The following ERICH6B variants were observed in gnomAD, a reference collection of about 807,000 sequenced individuals.
The protein encoded by ERICH6B is glutamate-rich protein 6B.
ERICH6B carries 69 observed loss-of-function variants against 80.0 expected under a neutral mutation model. The ratio of observed to expected loss-of-function variants is 0.86; its 90% CI spans 0.71 to 1.05. The LOEUF (loss-of-function observed/expected upper bound fraction) is 1.05, where lower values mean the gene tolerates loss of function less well. Among genes scored for constraint, ERICH6B ranks in the 50% least tolerant of loss-of-function variants. ERICH6B has a pLI of 0.00. For synonymous variants in ERICH6B, 283 were observed against 291.9 expected (o/e 0.97, Z 0.31); for missense variants, 754 against 796.1 (o/e 0.95, Z 0.64).
intron 2 of ERICH6B, among the ~76,000 whole-genome samples, chr13:45,602,595 C>A (rs1442124086): frequency 6.6e-6 from 1 of 152,144 alleles, no homozygotes; most frequent in Non-Finnish European, 1.5e-5. Flanking sequence ...AGGCTCAACT[C>A]CAACAGCCTT....
At chr13:45,574,773 G>A (rs2137993321) in intron 8 of ERICH6B, 69 bp downstream of exon 8, 7 of 1,241,176 alleles carry the variant, frequency 5.6e-6, no homozygotes, top group South Asian at 5.2e-5. Context: ...AGCTTGCCTG[G>A]GCTAGGCTTG....
At chr13:45,590,546 C>T (rs1876114978) in intron 4 of ERICH6B, 103 bp downstream of exon 4, 3 of 1,128,578 alleles carry the variant, frequency 2.7e-6, no homozygotes, top group African/African-American at 3.2e-5. Context: ...CTTCTTCCTC[C>T]CCTACTCCAT....
chr13:45,576,468 A>G (rs1875409086), intron 7 of ERICH6B, among the ~76,000 whole-genome samples: 1 of 152,244 alleles, frequency 6.6e-6, no homozygotes, highest in South Asian at 2.1e-4. Context: ...TAAAAAAAAC[A>G]TTGAAGAAAA....
chr13:45,580,386 T>C (rs1475840890), intron 6 of ERICH6B, among the ~76,000 whole-genome samples: 3 of 152,236 alleles, frequency 2.0e-5, no homozygotes. Context: ...GCCAGCGCAC[T>C]TAACTTTCTG....
intron 4 of ERICH6B, 126 bp downstream of exon 4, chr13:45,590,523 C>T (rs1245881577): frequency 2.4e-6 from 2 of 826,304 alleles, no homozygotes; most frequent in Non-Finnish European, 3.7e-6. Context: ...TTCCAGGAAC[C>T]CCCACTAAAC....
rs147150975 is a variant in ERICH6B, at chr13:45,567,405, C to T, written c.1187+910G>A. Among the ~76,000 whole-genome samples, 378 of 152,298 alleles carry T rather than the reference C, an allele frequency of 2.5e-3. 3 individuals are homozygous for T. Among genetic ancestry groups the T allele is most frequent in the African/African-American group, 8.4e-3 (350 of 41,558 alleles). On this transcript the variant is annotated intron_variant, in intron 9 of 14. Coordinates refer to ENST00000298738, the MANE Select transcript of ERICH6B (RefSeq NM_182542.3). Reference sequence around the variant, plus strand: ...TTTGGCTGTGTTCCCACCCAAATCTCATCTTGAATTCCCACGTGTTGTGAG... The same window carrying T: ...TTTGGCTGTGTTCCCACCCAAATCTTATCTTGAATTCCCACGTGTTGTGAG...
intron 7 of ERICH6B, among the ~76,000 whole-genome samples, chr13:45,576,213 G>C (rs904043716): frequency 1.3e-5 from 2 of 152,158 alleles, no homozygotes; most frequent in African/African-American, 4.8e-5. Context: ...CACTGTCCTG[G>C]GGCCTCTCTA....
At chr13:45,581,565 C>T (rs1473230613) in intron 5 of ERICH6B, among the ~76,000 whole-genome samples, 1 of 152,156 alleles carries the variant, frequency 6.6e-6, no homozygotes, top group African/African-American at 2.4e-5. Flanking sequence ...TTAGTAGAGG[C>T]AGAGTTTTGC....
chr13:45,556,760 A>C (rs1210889261), intron 11 of ERICH6B, among the ~76,000 whole-genome samples: 1 of 152,116 alleles, frequency 6.6e-6, no homozygotes, highest in Non-Finnish European at 1.5e-5. Flanking sequence ...GTAGTATTCC[A>C]TCATATATAT....
In ERICH6B at chr13:45,549,676, G is replaced by A. The variant is rs529704058; in HGVS notation, c.1646+217C>T. Among the ~76,000 whole-genome samples the A allele has an allele frequency of 2.4e-4, 36 of 152,304 alleles. 1 individual carries two copies. The highest frequency in any genetic ancestry group is 1.7e-3 in the Admixed American group (26 of 15,308). ...AATGTGGTGGTTGTGGAGCCTTGACGGCTATTTCACACATGGAGGAGCAAC... is the reference window on the plus strand; with the variant it reads ...AATGTGGTGGTTGTGGAGCCTTGACAGCTATTTCACACATGGAGGAGCAAC... On this transcript the variant is annotated intron_variant, in intron 13 of 14. Transcript: ENST00000298738.
At chr13:45,568,275 A>G (rs1307239867) in intron 9 of ERICH6B, 40 bp downstream of exon 9, 6 of 1,497,850 alleles carry the variant, frequency 4.0e-6, no homozygotes, top group Non-Finnish European at 5.3e-6. Flanking sequence ...TGGCATACCC[A>G]AATCCACTGA....
chr13:45,605,135 T>G (rs1949850330), intron 2 of ERICH6B, among the ~76,000 whole-genome samples: 1 of 152,036 alleles, frequency 6.6e-6, no homozygotes, highest in African/African-American at 2.4e-5. Flanking sequence ...CCTCTTTGGT[T>G]CCCTGACTCC....
chr13:45,556,920 G>A (rs1027363280), intron 11 of ERICH6B, among the ~76,000 whole-genome samples: 1 of 152,116 alleles, frequency 6.6e-6, no homozygotes, highest in Non-Finnish European at 1.5e-5. Context: ...TATCCATTTT[G>A]TATAATGACT....
At chr13:45,594,193 G>A (rs1876269279) in intron 3 of ERICH6B, among the ~76,000 whole-genome samples, 2 of 152,134 alleles carry the variant, frequency 1.3e-5, no homozygotes, top group Non-Finnish European at 1.5e-5. Flanking sequence ...AACCTGTTTT[G>A]TACAATCTAT....
intron 4 of ERICH6B, among the ~76,000 whole-genome samples, chr13:45,587,915 T>C (rs1407771490): frequency 1.3e-5 from 2 of 152,150 alleles, no homozygotes; most frequent in East Asian, 1.9e-4. Flanking sequence ...ACTGGCCCAA[T>C]TGGCAGAGAT....
At chr13:45,597,808 A>T (rs1202180230) in intron 2 of ERICH6B, among the ~76,000 whole-genome samples, 1 of 152,174 alleles carries the variant, frequency 6.6e-6, no homozygotes, top group East Asian at 1.9e-4. Context: ...AGCTCCTTAA[A>T]GATGGGTGGG....
rs553964104 is a variant in ERICH6B at position 45,588,209 on chromosome 13, C to T, written c.687-977G>A. ...AAGAGGTGAAGGGAGAGAGCAGAAGCCTGTTTTTTCTCACAGGTGGGTGCC... is the reference window on the plus strand; with the variant it reads ...AAGAGGTGAAGGGAGAGAGCAGAAGTCTGTTTTTTCTCACAGGTGGGTGCC... On this transcript the variant is annotated intron_variant, in intron 4 of 14. Transcript: ENST00000298738. 2.8e-4 allele frequency among the ~76,000 whole-genome samples: 43 copies of T among 152,248 alleles called. 1 individual carries two copies. In the South Asian group the frequency reaches 7.9e-3, roughly 28 times the overall value.
chr13:45,561,431 G>A lies in ERICH6B; in HGVS notation c.1345C>T (p.Arg449Cys), dbSNP rs547019105. The change falls in exon 11 of 15, where the codon CGT becomes TGT. Residue 449 changes from arginine (R) to cysteine (C), a missense_variant. Arg to Cys is a radical substitution (Grantham distance 180). Coordinates refer to ENST00000298738, the MANE Select transcript of ERICH6B (RefSeq NM_182542.3). Reference protein sequence around the residue: ...PETEEIQKPQRVVHHRKKLER... With the variant: ...PETEEIQKPQCVVHHRKKLER... Reference sequence around the variant, plus strand: ...AATTTCTTCCTATGATGAACAACACGTTGAGGCTTTTGGATTTCTTCTGTC... The same window carrying A: ...AATTTCTTCCTATGATGAACAACACATTGAGGCTTTTGGATTTCTTCTGTC... 2.8e-5 allele frequency: 44 copies of A among 1,552,230 alleles called. No individual in the cohort carries two copies. The highest frequency in any genetic ancestry group is 1.4e-4 in the Admixed American group (7 of 50,990).
At chr13:45,568,268 C>T in intron 9 of ERICH6B, 47 bp downstream of exon 9, 4 of 1,482,694 alleles carry the variant, frequency 2.7e-6, no homozygotes, top group Non-Finnish European at 3.6e-6. Context: ...CCACCTCTGG[C>T]ATACCCAAAT....
Sources: gnomAD v4.1 joint callset for allele counts (sites outside exome capture counted in the v4.1 genomes callset) on GRCh38, gnomAD v4.1.1 for gene constraint, MANE v1.5 for transcripts, NCBI Gene and HGNC (gene_info 2026-07-23, HGNC 2026-07-21) for gene names.